Variants in SPOCK3 observed in about 807,000 individuals in gnomAD.
SPOCK3 encodes the protein testican-3.
SPOCK3 carries 30 observed loss-of-function variants against 56.6 expected under a neutral mutation model. The observed-to-expected ratio is 0.53, with a 90% confidence interval of 0.40 to 0.72. The LOEUF (loss-of-function observed/expected upper bound fraction) is 0.72, where lower values mean the gene tolerates loss of function less well. SPOCK3 is among the 30% of genes least tolerant of loss of function. The probability of loss-of-function intolerance (pLI) is 0.00; values close to 1 mark genes in which losing one functional copy is unlikely to be tolerated. For missense variants in SPOCK3, 527 were observed against 530.0 expected, an observed-to-expected ratio of 0.99 and a Z score of 0.06; for synonymous variants, 196 against 183.3, an observed-to-expected ratio of 1.07 and a Z score of -0.56.
intron 6 of SPOCK3, among the ~76,000 whole-genome samples, chr4:166,875,860 T>C (rs1332451288): frequency 1.3e-5 from 2 of 152,160 alleles, no homozygotes; most frequent in East Asian, 3.9e-4. Flanking sequence ...AGAAATTTGG[T>C]CAGTAATTGA....
chr4:167,017,029 G>A (rs1750693252), intron 3 of SPOCK3, among the ~76,000 whole-genome samples: 1 of 152,102 alleles, frequency 6.6e-6, no homozygotes. Context: ...AACATGCAAA[G>A]AATATAAGAG....
At chr4:167,062,350 T>G in intron 3 of SPOCK3, 142 bp downstream of exon 3, 1 of 506,968 alleles carries the variant, frequency 2.0e-6, no homozygotes. Flanking sequence ...GAAATGTAAG[T>G]AATTATTGCA....
At chr4:166,907,510 G>A (rs1736755210) in intron 5 of SPOCK3, among the ~76,000 whole-genome samples, 1 of 152,016 alleles carries the variant, frequency 6.6e-6, no homozygotes, top group Non-Finnish European at 1.5e-5. Context: ...CACTGTAAGT[G>A]GCAAATTTAA....
At chr4:166,805,404 G>T (rs966802894) in intron 6 of SPOCK3, among the ~76,000 whole-genome samples, 1 of 151,828 alleles carries the variant, frequency 6.6e-6, no homozygotes, top group African/African-American at 2.4e-5. Flanking sequence ...CTACTTGATG[G>T]TAATTTAATG....
chr4:166,819,894 T>C (rs558606083), intron 6 of SPOCK3, among the ~76,000 whole-genome samples: 1 of 152,028 alleles, frequency 6.6e-6, no homozygotes, highest in Non-Finnish European at 1.5e-5. Context: ...TTAATATTTA[T>C]AATTTTTCGT....
intron 7 of SPOCK3, among the ~76,000 whole-genome samples, chr4:166,777,680 T>C (rs375516245): frequency 1.3e-5 from 2 of 152,072 alleles, no homozygotes. Flanking sequence ...GGGCCTGCAA[T>C]GAGCTATGAT....
intron 2 of SPOCK3, among the ~76,000 whole-genome samples, chr4:167,161,090 C>G (rs1765261984): frequency 6.6e-6 from 1 of 152,086 alleles, no homozygotes; most frequent in African/African-American, 2.4e-5. Context: ...AAGAAACTAC[C>G]ACAGAGTGAA....
At chr4:167,016,803 A>G (rs916729845) in intron 3 of SPOCK3, among the ~76,000 whole-genome samples, 3 of 152,118 alleles carry the variant, frequency 2.0e-5, no homozygotes, top group Non-Finnish European at 2.9e-5. Flanking sequence ...TGGCCTCTCA[A>G]AATGCTGAGA....
At chr4:166,847,659 A>ATC in intron 6 of SPOCK3, among the ~76,000 whole-genome samples, 1 of 94,750 alleles carries the variant, frequency 1.1e-5, no homozygotes, top group East Asian at 4.5e-4. Context: ...ATATATATAT[A>ATC]TATATATATA....
At chr4:166,952,173 TC>T (rs1742730663) in intron 4 of SPOCK3, among the ~76,000 whole-genome samples, 1 of 152,138 alleles carries the variant, frequency 6.6e-6, no homozygotes, top group Admixed American at 6.5e-5. Flanking sequence ...TGATTGTGTA[TC>T]TAGAAATCCC....
chr4:166,857,863 C>G (rs1730851429), intron 6 of SPOCK3, among the ~76,000 whole-genome samples: 1 of 152,140 alleles, frequency 6.6e-6, no homozygotes, highest in Non-Finnish European at 1.5e-5. Context: ...AAGCAGTGAT[C>G]TATATTATCC....
At chr4:167,084,568 G>A (rs555279041) in intron 2 of SPOCK3, among the ~76,000 whole-genome samples, 85 of 152,100 alleles carry the variant, frequency 5.6e-4, no homozygotes, top group African/African-American at 1.9e-3. Context: ...GAGTGTAGCC[G>A]AAAAGGTCAT....
chr4:167,059,696 T>C (rs1431860348), intron 3 of SPOCK3, among the ~76,000 whole-genome samples: 1 of 152,114 alleles, frequency 6.6e-6, no homozygotes, highest in Non-Finnish European at 1.5e-5. Context: ...TAAAGACACA[T>C]GCACACCTAT....
At chr4:166,950,907 A>G (rs201910920) in intron 4 of SPOCK3, among the ~76,000 whole-genome samples, 78,526 of 134,232 alleles carry the variant, frequency 0.59, 24,276 homozygotes, top group East Asian at 0.85. Context: ...GACACAACAT[A>G]CCAGAATCTC....
chr4:166,957,252 A>T (rs1440605954), intron 4 of SPOCK3, among the ~76,000 whole-genome samples: 1 of 152,214 alleles, frequency 6.6e-6, no homozygotes, highest in Non-Finnish European at 1.5e-5. Context: ...ATCCTATGTC[A>T]AAAGAGAGAA....
chr4:166,920,348 T>A (rs868091111), intron 4 of SPOCK3, among the ~76,000 whole-genome samples: 1 of 152,132 alleles, frequency 6.6e-6, no homozygotes, highest in Non-Finnish European at 1.5e-5. Flanking sequence ...AATCTGAAAT[T>A]TATATGGTGT....
intron 2 of SPOCK3, among the ~76,000 whole-genome samples, chr4:167,098,390 T>C (rs2150320398): frequency 1.3e-5 from 2 of 152,028 alleles, no homozygotes; most frequent in South Asian, 4.1e-4. Flanking sequence ...TCTTGATTAA[T>C]TTTTAAATGT....
intron 4 of SPOCK3, among the ~76,000 whole-genome samples, chr4:166,920,928 A>C (rs2149976279): frequency 6.6e-6 from 1 of 152,336 alleles, no homozygotes; most frequent in South Asian, 2.1e-4. Flanking sequence ...TTATTTAAGT[A>C]AACCGTCATT....
chr4:167,146,283 C>G (rs1763949333), intron 2 of SPOCK3, among the ~76,000 whole-genome samples: 1 of 151,992 alleles, frequency 6.6e-6, no homozygotes. Flanking sequence ...TATATGCACC[C>G]AATACATGAG....
Sources: gnomAD v4.1 joint callset for allele counts (sites outside exome capture counted in the v4.1 genomes callset) on GRCh38, gnomAD v4.1.1 for gene constraint, MANE v1.5 for transcripts, NCBI Gene and HGNC (gene_info 2026-07-23, HGNC 2026-07-21) for gene names.